IQSEC1: variants seen among roughly 807,000 people sequenced by gnomAD.
The protein encoded by IQSEC1 is IQ motif and SEC7 domain-containing protein 1.
IQSEC1 carries 31 observed loss-of-function variants against 91.0 expected under a neutral mutation model. The observed-to-expected ratio is 0.34, with a 90% confidence interval of 0.26 to 0.46. IQSEC1 has a LOEUF of 0.46. Among genes scored for constraint, IQSEC1 ranks in the 20% least tolerant of loss-of-function variants. The probability of loss-of-function intolerance (pLI) is 1.00; values close to 1 mark genes in which losing one functional copy is unlikely to be tolerated. For synonymous variants in IQSEC1, 699 were observed against 662.6 expected (o/e 1.05, Z -0.84); for missense variants, 1,388 against 1,575.6 (o/e 0.88, Z 2.02).
At chr3:13,227,375 C>CAAAAAA (rs753199634) in intron 1 of IQSEC1, among the ~76,000 whole-genome samples, 47 of 69,850 alleles carry the variant, frequency 6.7e-4, no homozygotes, top group East Asian at 3.1e-3. Flanking sequence ...GACTCTGTCT[C>CAAAAAA]AAAAAAAAAA....
At chr3:13,154,943 G>T (rs1421354029) in intron 2 of IQSEC1, among the ~76,000 whole-genome samples, 1 of 151,392 alleles carries the variant, frequency 6.6e-6, no homozygotes, top group East Asian at 1.9e-4. Context: ...TAGAGGAGAA[G>T]AAAAAAAACA....
intron 1 of IQSEC1, among the ~76,000 whole-genome samples, chr3:13,267,481 T>A (rs745628681): frequency 2.0e-5 from 3 of 152,134 alleles, no homozygotes; most frequent in Middle Eastern, 3.2e-3. Context: ...TTTCCATCCC[T>A]CTGGTTGCCT....
chr3:13,200,525 C>A (rs1051506851), intron 1 of IQSEC1, among the ~76,000 whole-genome samples: 1 of 152,244 alleles, frequency 6.6e-6, no homozygotes, highest in African/African-American at 2.4e-5. Context: ...AGGGCTGGAT[C>A]CCTTTCCAGA....
At chr3:13,278,931 C>T (rs1695741069) in intron 1 of IQSEC1, among the ~76,000 whole-genome samples, 1 of 152,128 alleles carries the variant, frequency 6.6e-6, no homozygotes, top group Admixed American at 6.5e-5. Flanking sequence ...TGGGCAAGGC[C>T]ATGATTTCTG....
chr3:13,134,351 G>C (rs1039535366), intron 2 of IQSEC1, among the ~76,000 whole-genome samples: 11 of 152,216 alleles, frequency 7.2e-5, no homozygotes, highest in African/African-American at 2.7e-4. Context: ...CCCATACAGT[G>C]GGAGCCAGAG....
intron 1 of IQSEC1, among the ~76,000 whole-genome samples, chr3:13,001,108 T>C (rs1407632547): frequency 2.0e-5 from 3 of 151,960 alleles, no homozygotes; most frequent in African/African-American, 7.3e-5. Context: ...CTTGCCACAA[T>C]GCCCAGCTTT....
rs533668848 is a variant in IQSEC1, at chr3:12,959,695, C to T, written c.24-17830G>A. Among the ~76,000 whole-genome samples, 467 of 152,284 alleles carry T rather than the reference C, an allele frequency of 3.1e-3. 1 individual carries two copies. The highest frequency in any genetic ancestry group is 0.014 in the Middle Eastern group (4 of 294). Reference sequence around the variant, plus strand: ...GACTTTTCCAAGGCTAGAAATGAGGCCAACCATGAGACAGGTCCTTGATAT... The same window carrying T: ...GACTTTTCCAAGGCTAGAAATGAGGTCAACCATGAGACAGGTCCTTGATAT... On this transcript the variant is annotated intron_variant, in intron 1 of 13. Transcript: ENST00000613206.
At chr3:13,197,974 C>G (rs554122301) in intron 1 of IQSEC1, among the ~76,000 whole-genome samples, 10 of 152,192 alleles carry the variant, frequency 6.6e-5, no homozygotes, top group South Asian at 2.1e-4. Flanking sequence ...AGCGTGCACC[C>G]GGCCTCCCGA....
intron 2 of IQSEC1, among the ~76,000 whole-genome samples, chr3:13,087,215 T>A (rs1705750665): frequency 6.6e-6 from 1 of 152,272 alleles, no homozygotes; most frequent in Admixed American, 6.5e-5. Context: ...TGATTACAGT[T>A]TATTTGCTGC....
At chr3:13,243,308 A>G (rs7632077) in intron 1 of IQSEC1, among the ~76,000 whole-genome samples, 60,439 of 152,062 alleles carry the variant, frequency 0.4, 16,605 homozygotes, top group African/African-American at 0.79. Flanking sequence ...GTCTGTCTGT[A>G]AACAAGACCC....
At chr3:13,081,272 T>C (rs1225735803) in intron 2 of IQSEC1, among the ~76,000 whole-genome samples, 1 of 152,176 alleles carries the variant, frequency 6.6e-6, no homozygotes, top group Non-Finnish European at 1.5e-5. Context: ...ACTTTATTGA[T>C]TTACTTTTGT....
At chr3:13,049,845 G>A (rs1016333464) in intron 1 of IQSEC1, among the ~76,000 whole-genome samples, 4 of 152,180 alleles carry the variant, frequency 2.6e-5, no homozygotes, top group African/African-American at 7.2e-5. Context: ...CACCCTACAT[G>A]CTGTGGTACA....
intron 1 of IQSEC1, among the ~76,000 whole-genome samples, chr3:12,945,075 C>T (rs1193552007): frequency 1.3e-5 from 2 of 152,140 alleles, no homozygotes; most frequent in Non-Finnish European, 2.9e-5. Flanking sequence ...CCCAGTTGGC[C>T]GCGGTGTGGG....
chr3:13,089,418 G>GA (rs201673797), intron 2 of IQSEC1, among the ~76,000 whole-genome samples: 42 of 152,108 alleles, frequency 2.8e-4, no homozygotes, highest in African/African-American at 9.2e-4. Context: ...AGTCTCTACA[G>GA]AAAAAATTTT....
intron 1 of IQSEC1, among the ~76,000 whole-genome samples, chr3:13,003,478 C>T (rs1702512699): frequency 6.6e-6 from 1 of 151,916 alleles, no homozygotes; most frequent in Admixed American, 6.6e-5. Context: ...TGGGATGGCA[C>T]AAGGGACTGA....
intron 1 of IQSEC1, among the ~76,000 whole-genome samples, chr3:13,060,731 CA>C (rs1277591096): frequency 6.6e-6 from 1 of 152,196 alleles, no homozygotes; most frequent in Non-Finnish European, 1.5e-5. Flanking sequence ...GGCGGGGCTC[CA>C]GGACCGGGAG....
chr3:13,212,606 G>A (rs1694467158), intron 1 of IQSEC1, among the ~76,000 whole-genome samples: 1 of 152,204 alleles, frequency 6.6e-6, no homozygotes, highest in African/African-American at 2.4e-5. Context: ...TTCCAAAGCA[G>A]TTACAGCATT....
rs555073242 is a variant in IQSEC1 at position 13,215,714 on chromosome 3, C to T, written c.273-51581G>A. 9.2e-5 allele frequency among the ~76,000 whole-genome samples: 14 copies of T among 152,310 alleles called. 1 individual carries two copies. In the East Asian group the frequency reaches 2.3e-3, roughly 25 times the overall value. On this transcript the variant is annotated intron_variant, in intron 1 of 15. Coordinates refer to the IQSEC1 transcript ENST00000648114. ...TGGCCACTGCACTCCACCCCTGGCA[C>T]GGGCTGGGCAGAGAGGCCGGTATGA...
intron 1 of IQSEC1, among the ~76,000 whole-genome samples, chr3:13,032,392 C>T (rs1038154057): frequency 5.9e-5 from 9 of 152,198 alleles, no homozygotes; most frequent in Non-Finnish European, 1.2e-4. Flanking sequence ...CAGGGCGGCA[C>T]GGGGAAGGCT....
Sources: gnomAD v4.1 joint callset for allele counts (sites outside exome capture counted in the v4.1 genomes callset) on GRCh38, gnomAD v4.1.1 for gene constraint, MANE v1.5 for transcripts, NCBI Gene and HGNC (gene_info 2026-07-23, HGNC 2026-07-21) for gene names.